The following ROBO1 variants were observed in gnomAD, a reference collection of about 807,000 sequenced individuals.
ROBO1 encodes roundabout guidance receptor 1, also known as roundabout homolog 1.
In ROBO1, 149 loss-of-function variants were observed where a neutral mutation model predicts 195.9. That is an observed-to-expected ratio of 0.76 (90% CI 0.67 to 0.87). The LOEUF is 0.87. Ranked by LOEUF, ROBO1 falls within the 40% of genes least tolerant of loss-of-function variation. The pLI is 0.00. For missense variants in ROBO1, 1,933 were observed against 2,068.3 expected, an observed-to-expected ratio of 0.93 and a Z score of 1.27; for synonymous variants, 816 against 733.2, an observed-to-expected ratio of 1.11 and a Z score of -1.82.
At chr3:79,764,488 A>C (rs900561086) in intron 1 of ROBO1, among the ~76,000 whole-genome samples, 1 of 152,220 alleles carries the variant, frequency 6.6e-6, no homozygotes, top group Non-Finnish European at 1.5e-5. Context: ...TCACCTCAAG[A>C]TACATTTCAA....
At chr3:79,125,671 G>C (rs751876560) in intron 2 of ROBO1, 132 bp from the exon 3 acceptor site, 2 of 686,064 alleles carry the variant, frequency 2.9e-6, no homozygotes, top group Non-Finnish European at 5.3e-6. Flanking sequence ...CACACAGCAC[G>C]CTTCATCCTT....
intron 4 of ROBO1, among the ~76,000 whole-genome samples, chr3:78,836,474 T>C (rs2032730441): frequency 7.6e-6 from 1 of 131,620 alleles, no homozygotes; most frequent in Non-Finnish European, 1.5e-5. Context: ...ATCATGCCAC[T>C]GCACTCCAGC....
At chr3:79,023,926 G>A (rs1044385371) in intron 3 of ROBO1, among the ~76,000 whole-genome samples, 6 of 150,322 alleles carry the variant, frequency 4.0e-5, no homozygotes, top group Non-Finnish European at 7.4e-5. Flanking sequence ...TGGTCAGGCT[G>A]GTCTCGAACT....
chr3:79,711,685 G>A (rs976343808), intron 1 of ROBO1, among the ~76,000 whole-genome samples: 1 of 152,130 alleles, frequency 6.6e-6, no homozygotes, highest in East Asian at 1.9e-4. Context: ...GGCATGCCTT[G>A]TTGTATTGAA....
intron 2 of ROBO1, among the ~76,000 whole-genome samples, chr3:79,490,906 A>G (rs1379293964): frequency 6.6e-6 from 1 of 151,966 alleles, no homozygotes; most frequent in Non-Finnish European, 1.5e-5. Flanking sequence ...GTGACCTACT[A>G]TTCAGTAATT....
chr3:79,677,782 G>A (rs1043663471), intron 1 of ROBO1, among the ~76,000 whole-genome samples: 1 of 152,110 alleles, frequency 6.6e-6, no homozygotes, highest in South Asian at 2.1e-4. Context: ...CCAACAAATT[G>A]TGTGATCCTG....
Position 79,333,221 on chromosome 3 carries a change from CAGAAAAG to C in ROBO1, c.89-207689_89-207683del, listed in dbSNP as rs776888587. ...GACTCTGTCTAAAAAAAAAAAAAAA[CAGAAAAG>C]AAAAAAATCAATTATGATCACGAAG... On this transcript the variant is annotated intron_variant, in intron 2 of 30. Transcript: ENST00000464233. 7.3e-4 allele frequency among the ~76,000 whole-genome samples: 107 copies of C among 145,660 alleles called. No homozygotes were observed. The Middle Eastern group carries it at 0.011, about 15-fold the overall frequency.
intron 2 of ROBO1, among the ~76,000 whole-genome samples, chr3:79,417,845 C>T (rs1293132037): frequency 6.6e-6 from 1 of 152,062 alleles, no homozygotes; most frequent in African/African-American, 2.4e-5. Context: ...ACATTTAGCT[C>T]CCAGGTCACA....
chr3:79,554,390 A>AAAAAAT (rs1942628102), intron 2 of ROBO1, among the ~76,000 whole-genome samples: 1 of 152,098 alleles, frequency 6.6e-6, no homozygotes, highest in Non-Finnish European at 1.5e-5. Flanking sequence ...TTAGAACCAC[A>AAAAAAT]AAAAATAAAA....
At chr3:79,416,677 T>G (rs1042434788) in intron 2 of ROBO1, among the ~76,000 whole-genome samples, 41 of 151,346 alleles carry the variant, frequency 2.7e-4, no homozygotes, top group South Asian at 2.1e-4. Context: ...ATAAACTTGG[T>G]GTTGCTTTGG....
At chr3:79,355,957 T>C (rs2035534922) in intron 2 of ROBO1, among the ~76,000 whole-genome samples, 1 of 152,210 alleles carries the variant, frequency 6.6e-6, no homozygotes, top group African/African-American at 2.4e-5. Flanking sequence ...TCATATAGTA[T>C]TTCTATTTAT....
chr3:78,686,980 A>G (rs2081066468), intron 9 of ROBO1, among the ~76,000 whole-genome samples: 1 of 152,182 alleles, frequency 6.6e-6, no homozygotes, highest in East Asian at 1.9e-4. Context: ...CATTTTCCCT[A>G]CCACAACAAA....
chr3:78,612,339 G>A lies in ROBO1; in HGVS notation c.4435+2309C>T, dbSNP rs529669327. 1.1e-3 allele frequency among the ~76,000 whole-genome samples: 167 copies of A among 152,028 alleles called. 4 individuals carry two copies. In the South Asian group the frequency reaches 0.034, roughly 31 times the overall value. ...ATGTTCAATTCACATTTTAACAATCGGTAGCTCTTTAAATTTTTTCTTCCT... is the reference window on the plus strand; with the variant it reads ...ATGTTCAATTCACATTTTAACAATCAGTAGCTCTTTAAATTTTTTCTTCCT... On this transcript the variant is annotated intron_variant, in intron 28 of 30. Transcript: ENST00000464233.
chr3:79,752,013 CG>C (rs950490048), intron 1 of ROBO1, among the ~76,000 whole-genome samples: 1 of 152,022 alleles, frequency 6.6e-6, no homozygotes, highest in African/African-American at 2.4e-5. Context: ...CAGCTACAAA[CG>C]AAAACAATAT....
At chr3:78,976,091 T>C (rs529450986) in intron 3 of ROBO1, among the ~76,000 whole-genome samples, 6 of 152,328 alleles carry the variant, frequency 3.9e-5, no homozygotes, top group African/African-American at 1.2e-4. Flanking sequence ...TAATAGGCTA[T>C]GGCATCGAAT....
chr3:78,678,730 G>A (rs983260903), intron 10 of ROBO1, among the ~76,000 whole-genome samples: 1 of 152,110 alleles, frequency 6.6e-6, no homozygotes, highest in Admixed American at 6.6e-5. Context: ...ATTCACAGCC[G>A]AATTCTACCA....
At chr3:79,367,478 AATT>A (rs2036022324) in intron 2 of ROBO1, among the ~76,000 whole-genome samples, 1 of 152,206 alleles carries the variant, frequency 6.6e-6, no homozygotes, top group Non-Finnish European at 1.5e-5. Flanking sequence ...TGCAAGACTG[AATT>A]GGAAGATTAT....
At chr3:79,456,927 A>G (rs1044754300) in intron 2 of ROBO1, among the ~76,000 whole-genome samples, 2 of 151,998 alleles carry the variant, frequency 1.3e-5, no homozygotes, top group South Asian at 2.1e-4. Context: ...CTATTTGTGC[A>G]TCTTTCTTTC....
At chr3:79,763,590 A>G (rs1002384420) in intron 1 of ROBO1, among the ~76,000 whole-genome samples, 19 of 152,264 alleles carry the variant, frequency 1.2e-4, no homozygotes, top group Admixed American at 6.5e-4. Flanking sequence ...GAAAAGAACA[A>G]CTGGCTGAAA....
Sources: gnomAD v4.1 joint callset for allele counts (sites outside exome capture counted in the v4.1 genomes callset) on GRCh38, gnomAD v4.1.1 for gene constraint, MANE v1.5 for transcripts, NCBI Gene and HGNC (gene_info 2026-07-23, HGNC 2026-07-21) for gene names.